MCPH1: variants seen among roughly 807,000 people sequenced by gnomAD.
MCPH1 encodes the protein microcephalin.
MCPH1 carries 104 observed loss-of-function variants against 84.5 expected under a neutral mutation model. That is an observed-to-expected ratio of 1.23 (90% CI 1.05 to 1.45). The LOEUF (loss-of-function observed/expected upper bound fraction) is 1.45, where lower values mean the gene tolerates loss of function less well. Ranked by LOEUF, MCPH1 falls within the 40% of genes most tolerant of loss-of-function variation. MCPH1 has a pLI of 0.00. For synonymous variants in MCPH1, 514 were observed against 366.8 expected (o/e 1.40, Z -4.58); for missense variants, 1,498 against 1,005.7 (o/e 1.49, Z -6.62).
chr8:6,598,307 G>T (rs1829081822), intron 12 of MCPH1, among the ~76,000 whole-genome samples: 2 of 152,202 alleles, frequency 1.3e-5, no homozygotes, highest in African/African-American at 4.8e-5. Flanking sequence ...GCTTTTCAGA[G>T]TCTCACAGTC....
intron 12 of MCPH1, among the ~76,000 whole-genome samples, chr8:6,609,852 C>T (rs1406951746): frequency 1.4e-5 from 2 of 142,476 alleles, no homozygotes; most frequent in Admixed American, 1.4e-4. Context: ...CCAGGTAAAC[C>T]ACAGAGGGTG....
intron 13 of MCPH1, among the ~76,000 whole-genome samples, chr8:6,642,279 G>A (rs1334810943): frequency 6.6e-6 from 1 of 151,724 alleles, no homozygotes; most frequent in Non-Finnish European, 1.5e-5. Flanking sequence ...TTTTCTAACA[G>A]TAGGAATAGA....
intron 7 of MCPH1, among the ~76,000 whole-genome samples, chr8:6,443,843 C>T (rs909957594): frequency 6.6e-6 from 1 of 152,186 alleles, no homozygotes; most frequent in East Asian, 1.9e-4. Flanking sequence ...TAGGAGGTAG[C>T]AGCAGCTTAG....
At chr8:6,502,432 C>T (rs932046798) in intron 12 of MCPH1, 2 of 152,092 alleles carry the variant, frequency 1.3e-5, no homozygotes, top group African/African-American at 2.4e-5. Context: ...AAGTTTCTAC[C>T]ATATAAATTT....
In MCPH1 at chr8:6,566,110, C is replaced by G. The variant is rs563859079; in HGVS notation, c.2215-55344C>G. Among the ~76,000 whole-genome samples the G allele has an allele frequency of 2.0e-5, 3 of 152,290 alleles. No homozygotes were observed. The East Asian group carries it at 5.8e-4, about 29-fold the overall frequency. ...GCATTAACTGAGTGAGCGTGCTGGG[C>G]TCCAATAAAGCTTTATTCGTGATAC... On this transcript the variant is annotated intron_variant, in intron 12 of 13. Transcript: ENST00000344683.
At chr8:6,477,561 T>C in intron 9 of MCPH1, 33 bp from the exon 10 acceptor site, 1 of 1,600,748 alleles carries the variant, frequency 6.2e-7, no homozygotes. Context: ...TGTTTTTGAC[T>C]GTTTTTTGTT....
intron 8 of MCPH1, chr8:6,446,703 C>G: frequency 1.0e-6 from 1 of 985,136 alleles, no homozygotes; most frequent in Non-Finnish European, 1.2e-6. Context: ...TTTACATTCT[C>G]CATCTTTCCA....
chr8:6,458,661 C>G (rs559690243), intron 9 of MCPH1, among the ~76,000 whole-genome samples: 1 of 151,910 alleles, frequency 6.6e-6, no homozygotes. Flanking sequence ...TTTTATTTTT[C>G]TGAGATGGAG....
intron 12 of MCPH1, among the ~76,000 whole-genome samples, chr8:6,551,053 G>A (rs754995426): frequency 6.6e-6 from 1 of 152,190 alleles, no homozygotes; most frequent in Non-Finnish European, 1.5e-5. Context: ...CTTGTTTTGA[G>A]AAGGGGTAAG....
At chr8:6,495,418 C>G (rs558993143) in intron 11 of MCPH1, among the ~76,000 whole-genome samples, 3 of 152,300 alleles carry the variant, frequency 2.0e-5, no homozygotes, top group Non-Finnish European at 4.4e-5. Flanking sequence ...GTTACACTGT[C>G]TAGTTGGGGA....
chr8:6,503,679 A>G (rs553465236), intron 12 of MCPH1, among the ~76,000 whole-genome samples: 1 of 152,330 alleles, frequency 6.6e-6, no homozygotes, highest in East Asian at 1.9e-4. Context: ...CCCTTGCTCT[A>G]TTAAATGATT....
chr8:6,611,026 A>T (rs915537476), intron 12 of MCPH1, among the ~76,000 whole-genome samples: 1 of 152,094 alleles, frequency 6.6e-6, no homozygotes, highest in African/African-American at 2.4e-5. Context: ...CTGCAGGCAG[A>T]ACTGTTCCTC....
rs537778432 is a variant in MCPH1, at chr8:6,522,403, C to T, written c.2214+22474C>T. The stretch of plus-strand genomic sequence containing the variant: ...AACGCTTAGACTAGCGCCTGTCATA[C>T]ATTAACAGTCAATGAATGTTTGTTA... On this transcript the variant is annotated intron_variant, in intron 12 of 13. Coordinates refer to ENST00000344683, the MANE Select transcript of MCPH1 (RefSeq NM_024596.5). Among the ~76,000 whole-genome samples, 71 of 151,824 alleles carry T rather than the reference C, an allele frequency of 4.7e-4. 1 individual carries two copies. Among genetic ancestry groups the T allele is most frequent in the Non-Finnish European group, 7.8e-4 (53 of 67,938 alleles).
intron 9 of MCPH1, among the ~76,000 whole-genome samples, chr8:6,476,325 A>T (rs1416479016): frequency 6.6e-6 from 1 of 150,672 alleles, no homozygotes; most frequent in African/African-American, 2.4e-5. Flanking sequence ...GCTAGTTGGG[A>T]GGCTGAGGCA....
At chr8:6,515,667 T>A (rs1816129616) in intron 12 of MCPH1, among the ~76,000 whole-genome samples, 1 of 152,178 alleles carries the variant, frequency 6.6e-6, no homozygotes, top group Non-Finnish European at 1.5e-5. Flanking sequence ...AAGATTACAG[T>A]AGAACGAAAC....
At chr8:6,528,394 C>T (rs1324753685) in intron 12 of MCPH1, among the ~76,000 whole-genome samples, 1 of 152,188 alleles carries the variant, frequency 6.6e-6, no homozygotes, top group East Asian at 1.9e-4. Flanking sequence ...ATTTATTTGT[C>T]ACTAGACAGA....
chr8:6,588,114 G>A (rs1349913276), intron 12 of MCPH1, among the ~76,000 whole-genome samples: 1 of 152,146 alleles, frequency 6.6e-6, no homozygotes, highest in African/African-American at 2.4e-5. Flanking sequence ...TGATGGTTGT[G>A]GGGTGGCTGA....
intron 13 of MCPH1, chr8:6,635,187 T>A (rs944600326): frequency 6.6e-6 from 1 of 152,216 alleles, no homozygotes; most frequent in African/African-American, 2.4e-5. Context: ...ATTTTTAACA[T>A]TGATAATGAG....
chr8:6,408,258 T>C (rs1798020910), intron 1 of MCPH1, among the ~76,000 whole-genome samples: 1 of 152,256 alleles, frequency 6.6e-6, no homozygotes, highest in African/African-American at 2.4e-5. Context: ...AGACAGAGTC[T>C]TACTCTCTTG....
Sources: allele counts gnomAD v4.1 joint callset (sites outside exome capture counted in the v4.1 genomes callset), GRCh38; gene constraint gnomAD v4.1.1; transcripts MANE v1.5; gene names NCBI Gene and HGNC (gene_info 2026-07-23, HGNC 2026-07-21).